Variants in DGKB observed in about 807,000 individuals in gnomAD.
DGKB encodes 90 kDa diacylglycerol kinase.
In DGKB, 67 loss-of-function variants were observed where a neutral mutation model predicts 114.3. That is an observed-to-expected ratio of 0.59 (90% confidence interval 0.48 to 0.72). DGKB has a LOEUF of 0.72. Ranked by LOEUF, DGKB falls within the 30% of genes least tolerant of loss-of-function variation. DGKB has a pLI of 0.00. For missense variants in DGKB, 907 were observed against 975.2 expected (o/e 0.93, Z 0.93); for synonymous variants, 398 against 323.1 (o/e 1.23, Z -2.49).
At chr7:14,260,915 G>A (rs1796682899) in intron 23 of DGKB, among the ~76,000 whole-genome samples, 2 of 152,070 alleles carry the variant, frequency 1.3e-5, no homozygotes, top group Non-Finnish European at 2.9e-5. Context: ...ATTATGATTG[G>A]TTATACATTT....
chr7:14,690,202 G>A lies in DGKB; in HGVS notation c.711+3873C>T, dbSNP rs1822576860. Reference sequence around the variant, plus strand: ...AAATTGAAGCCTTATTAATTATCTTGTTCATGCAGGAAAAGGAAATGTTCA... The same window carrying A: ...AAATTGAAGCCTTATTAATTATCTTATTCATGCAGGAAAAGGAAATGTTCA... On this transcript the variant is annotated intron_variant, in intron 9 of 25. Coordinates refer to ENST00000402815, the MANE Select transcript of DGKB (RefSeq NM_001350709.2). Among the ~76,000 whole-genome samples the A allele has an allele frequency of 1.3e-5, 2 of 152,194 alleles. 1 individual carries two copies. Among genetic ancestry groups the A allele is most frequent in the African/African-American group, 4.8e-5 (2 of 41,444 alleles).
intron 20 of DGKB, among the ~76,000 whole-genome samples, chr7:14,479,590 A>G (rs1782690931): frequency 6.6e-6 from 1 of 152,130 alleles, no homozygotes; most frequent in African/African-American, 2.4e-5. Flanking sequence ...CTGGTTTGCT[A>G]GGAAGTACAA....
chr7:14,215,326 A>T (rs1788780183), intron 23 of DGKB, among the ~76,000 whole-genome samples: 1 of 152,150 alleles, frequency 6.6e-6, no homozygotes, highest in Admixed American at 6.6e-5. Flanking sequence ...TTCGAGCCAC[A>T]TTAGTCTCAA....
intron 13 of DGKB, among the ~76,000 whole-genome samples, chr7:14,663,409 T>C (rs191681438): frequency 6.6e-6 from 1 of 152,168 alleles, no homozygotes; most frequent in East Asian, 1.9e-4. Flanking sequence ...TGTTTATTAT[T>C]GATCTATATC....
chr7:14,394,619 T>C (rs1332869835), intron 21 of DGKB, among the ~76,000 whole-genome samples: 1 of 152,130 alleles, frequency 6.6e-6, no homozygotes, highest in Non-Finnish European at 1.5e-5. Context: ...TAAGTTGTTG[T>C]TATATCTTCA....
intron 2 of DGKB, among the ~76,000 whole-genome samples, chr7:14,786,312 A>T (rs1375148787): frequency 6.6e-6 from 1 of 152,222 alleles, no homozygotes; most frequent in Non-Finnish European, 1.5e-5. Context: ...ATATTTTACC[A>T]ATCAGGTTGT....
At position 14,595,676 on chromosome 7, in the gene DGKB, T is replaced by A. The variant is rs1299055326; in HGVS notation, c.1433+11758A>T. Among the ~76,000 whole-genome samples, 5 of 151,660 alleles carry A rather than the reference T, an allele frequency of 3.3e-5. No homozygotes were observed. In the South Asian group the frequency reaches 1.0e-3, roughly 31 times the overall value. On this transcript the variant is annotated intron_variant, in intron 17 of 25. Transcript: ENST00000402815. ...GTAAATTTAAGATAGCTTACAAACA[T>A]TACATCATAGGATTTCAAATAACAT...
intron 2 of DGKB, among the ~76,000 whole-genome samples, chr7:14,828,544 C>G (rs1230016259): frequency 1.3e-5 from 2 of 152,040 alleles, no homozygotes; most frequent in African/African-American, 4.8e-5. Flanking sequence ...GACACCCCAC[C>G]TCCTGCTACC....
At chr7:14,921,429 G>A (rs1025701570) in intron 1 of DGKB, among the ~76,000 whole-genome samples, 3 of 152,132 alleles carry the variant, frequency 2.0e-5, no homozygotes, top group Admixed American at 6.5e-5. Context: ...CCTAAAAGGT[G>A]ATGTCTATAC....
chr7:14,661,021 A>T (rs1361724318), intron 13 of DGKB, among the ~76,000 whole-genome samples: 1 of 149,470 alleles, frequency 6.7e-6, no homozygotes, highest in African/African-American at 2.4e-5. Context: ...CTGAAACTGG[A>T]TCCCTTCCTT....
chr7:14,300,904 G>C (rs1284170093), intron 23 of DGKB, among the ~76,000 whole-genome samples: 1 of 152,006 alleles, frequency 6.6e-6, no homozygotes, highest in African/African-American at 2.4e-5. Context: ...ATTAGACATT[G>C]GTTTATCAGT....
chr7:14,617,712 C>G (rs1806805475), intron 15 of DGKB, among the ~76,000 whole-genome samples: 1 of 151,690 alleles, frequency 6.6e-6, no homozygotes. Context: ...CTTGCTACCA[C>G]TTTCCATCTT....
chr7:14,696,630 A>T (rs1301575869), intron 8 of DGKB, among the ~76,000 whole-genome samples: 1 of 150,498 alleles, frequency 6.6e-6, no homozygotes, highest in African/African-American at 2.4e-5. Flanking sequence ...TAGAAAGGTG[A>T]GTAGGAGAGG....
intron 25 of DGKB, among the ~76,000 whole-genome samples, chr7:14,168,108 T>G (rs1359187785): frequency 1.3e-5 from 2 of 151,938 alleles, no homozygotes; most frequent in Non-Finnish European, 2.9e-5. Flanking sequence ...AACTGAGAAA[T>G]AGAAGATAGT....
intron 23 of DGKB, among the ~76,000 whole-genome samples, chr7:14,267,666 T>G (rs1486321902): frequency 1.3e-5 from 2 of 151,814 alleles, no homozygotes; most frequent in Non-Finnish European, 2.9e-5. Flanking sequence ...TTTTTTGTAT[T>G]TTTTAGCAGA....
chr7:14,568,676 T>G (rs1797946475), intron 20 of DGKB, among the ~76,000 whole-genome samples: 1 of 152,216 alleles, frequency 6.6e-6, no homozygotes, highest in Non-Finnish European at 1.5e-5. Context: ...CCACGGATAA[T>G]TTGTACCAGC....
intron 3 of DGKB, among the ~76,000 whole-genome samples, chr7:14,755,092 C>T (rs1834674785): frequency 6.6e-6 from 1 of 152,256 alleles, no homozygotes; most frequent in South Asian, 2.1e-4. Flanking sequence ...ATTTGGGAAT[C>T]TCAAGACCTT....
At chr7:14,306,440 T>C (rs115468742) in intron 23 of DGKB, among the ~76,000 whole-genome samples, 1,579 of 152,190 alleles carry the variant, frequency 0.01, 26 homozygotes, top group African/African-American at 0.037. Context: ...TGCTCACTCT[T>C]TTTTTCTGGT....
intron 23 of DGKB, among the ~76,000 whole-genome samples, chr7:14,218,964 A>C (rs372904416): frequency 6.6e-5 from 10 of 151,952 alleles, no homozygotes; most frequent in African/African-American, 2.4e-4. Context: ...CTAATGATCT[A>C]CTTTCTGCCT....
Sources: allele counts gnomAD v4.1 joint callset (sites outside exome capture counted in the v4.1 genomes callset), GRCh38; gene constraint gnomAD v4.1.1; transcripts MANE v1.5; gene names NCBI Gene and HGNC (gene_info 2026-07-23, HGNC 2026-07-21).